The following EXOSC7 variants were observed in gnomAD, a reference collection of about 807,000 sequenced individuals.
EXOSC7 encodes the protein exosome component 7, also known as exosome complex component RRP42.
EXOSC7 carries 25 observed loss-of-function variants against 34.3 expected under a neutral mutation model. That is an observed-to-expected ratio of 0.73 (90% CI 0.53 to 1.02). The LOEUF (loss-of-function observed/expected upper bound fraction) is 1.02, where lower values mean the gene tolerates loss of function less well. Among genes scored for constraint, EXOSC7 ranks in the 50% least tolerant of loss-of-function variants. The pLI, the probability that EXOSC7 is intolerant of heterozygous loss-of-function variation, is 0.00. For missense variants in EXOSC7, 370 were observed against 368.5 expected (o/e 1.00, Z -0.03); for synonymous variants, 130 against 143.0 (o/e 0.91, Z 0.65).
chr3:45,005,057 C>G (rs1282280563), intron 5 of EXOSC7: 2 of 468,288 alleles, frequency 4.3e-6, no homozygotes, highest in East Asian at 6.7e-5. Context: ...TCTTTTTTTT[C>G]CATTGGGATA....
downstream of EXOSC7, among the ~76,000 whole-genome samples, chr3:45,011,889 A>C (rs137960103): frequency 5.3e-5 from 8 of 152,318 alleles, no homozygotes; most frequent in East Asian, 1.5e-3. Context: ...CAGGGGCTTT[A>C]GTGGCAGCCA....
chr3:45,002,770 T>G (rs1267793494), intron 5 of EXOSC7, among the ~76,000 whole-genome samples: 1 of 152,188 alleles, frequency 6.6e-6, no homozygotes, highest in Non-Finnish European at 1.5e-5. Context: ...GAATATTTGC[T>G]GAGAATGAAA....
chr3:44,987,989 G>A (rs764477433), intron 1 of EXOSC7, among the ~76,000 whole-genome samples: 1 of 152,114 alleles, frequency 6.6e-6, no homozygotes, highest in Non-Finnish European at 1.5e-5. Flanking sequence ...GTGTGGTGGG[G>A]GTGGTTAGTA....
intron 3 of EXOSC7, among the ~76,000 whole-genome samples, chr3:44,995,702 G>A (rs1014450711): frequency 1.3e-5 from 2 of 152,216 alleles, no homozygotes; most frequent in African/African-American, 2.4e-5. Flanking sequence ...CAGTAATGAA[G>A]TCTCTCTTGG....
chr3:45,007,339 A>G (rs557408680), intron 6 of EXOSC7, 81 bp from the exon 7 acceptor site: 18 of 1,487,056 alleles, frequency 1.2e-5, no homozygotes, highest in African/African-American at 9.6e-5. Flanking sequence ...CCTGGTGTAG[A>G]GATTCCCACC....
intron 1 of EXOSC7, among the ~76,000 whole-genome samples, chr3:44,982,737 T>C (rs1423523176): frequency 1.3e-5 from 2 of 152,224 alleles, no homozygotes; most frequent in African/African-American, 2.4e-5. Flanking sequence ...GGACTCTTGA[T>C]TTTTAGCTCT....
rs535875801 is a variant in EXOSC7, at chr3:44,982,009, G to C, written c.57+5675G>C. 2.0e-5 allele frequency among the ~76,000 whole-genome samples: 3 copies of C among 152,322 alleles called. No individual in the cohort carries two copies. In the East Asian group the frequency reaches 5.8e-4, roughly 29 times the overall value. Reference sequence around the variant, plus strand: ...TATCTCATGGCCTGTGTGGCTGTCTGTCTTTATCTCTAGTGACATCTCTGC... The same window carrying C: ...TATCTCATGGCCTGTGTGGCTGTCTCTCTTTATCTCTAGTGACATCTCTGC... On this transcript the variant is annotated intron_variant, in intron 1 of 7. Coordinates refer to ENST00000265564, the MANE Select transcript of EXOSC7 (RefSeq NM_015004.4).
intron 6 of EXOSC7, among the ~76,000 whole-genome samples, chr3:45,006,691 C>T (rs1707055685): frequency 2.0e-5 from 3 of 152,012 alleles, no homozygotes; most frequent in Admixed American, 2.0e-4. Context: ...GCTGGGATTA[C>T]AGGCGTGAGC....
At chr3:44,985,353 C>A (rs1576003866) in intron 1 of EXOSC7, among the ~76,000 whole-genome samples, 1 of 152,238 alleles carries the variant, frequency 6.6e-6, no homozygotes, top group East Asian at 1.9e-4. Context: ...CTTGGTCTCA[C>A]TGATTTCAAG....
intron 3 of EXOSC7, among the ~76,000 whole-genome samples, chr3:44,995,071 G>A (rs1329033949): frequency 1.3e-5 from 2 of 152,096 alleles, no homozygotes; most frequent in Admixed American, 1.3e-4. Flanking sequence ...TGCAACCTCT[G>A]CCTCAGGTTC....
chr3:44,999,794 A>G (rs1430956680), intron 4 of EXOSC7, among the ~76,000 whole-genome samples: 2 of 152,216 alleles, frequency 1.3e-5, no homozygotes, highest in African/African-American at 4.8e-5. Context: ...TGGCATTCAC[A>G]TAGTTTTCAT....
chr3:45,009,607 G>C (rs1576030959), intron 7 of EXOSC7, among the ~76,000 whole-genome samples: 1 of 151,590 alleles, frequency 6.6e-6, no homozygotes, highest in East Asian at 1.9e-4. Context: ...GGAGTGCAGT[G>C]GTGCGATCTC....
At chr3:44,983,465 G>A (rs1426520654) in intron 1 of EXOSC7, among the ~76,000 whole-genome samples, 2 of 152,216 alleles carry the variant, frequency 1.3e-5, no homozygotes, top group African/African-American at 4.8e-5. Flanking sequence ...TTTAGGTCAA[G>A]GTCACAAAAC....
chr3:45,002,815 G>A (rs1706917872), intron 5 of EXOSC7, among the ~76,000 whole-genome samples: 1 of 152,184 alleles, frequency 6.6e-6, no homozygotes, highest in Non-Finnish European at 1.5e-5. Flanking sequence ...TGTGCCACTA[G>A]GCTCCTTGTT....
At chr3:44,988,748 G>C (rs1376145004) in intron 1 of EXOSC7, among the ~76,000 whole-genome samples, 1 of 152,192 alleles carries the variant, frequency 6.6e-6, no homozygotes, top group African/African-American at 2.4e-5. Context: ...CTGTAGCTCT[G>C]ACAACATATA....
chr3:45,002,049 T>G (rs975766795), intron 5 of EXOSC7: 3 of 155,082 alleles, frequency 1.9e-5, no homozygotes, highest in African/African-American at 7.2e-5. Context: ...TGTACACATG[T>G]GTGTTCTAAA....
chr3:45,007,427 A>G lies in EXOSC7; in HGVS notation c.623A>G (p.Tyr208Cys), dbSNP rs746509774. The change falls in exon 7 of 8, where the codon TAT becomes TGT. Residue 208 changes from tyrosine to cysteine, a missense_variant. Physicochemically the swap from Tyr to Cys is radical, Grantham distance 194 (BLOSUM62 -2). This residue lies in a region of EXOSC7 where 255 missense variants were observed against 246.4 expected (regional missense o/e 1.03). Coordinates refer to ENST00000265564, the MANE Select transcript of EXOSC7 (RefSeq NM_015004.4). ...PCIVTLCKIG[Y>C]RHVVDATLQE... is the part of the protein sequence containing the mutation. ...CGCACCCTGCCTTTGCAGATTGGCT[A>G]TCGGCATGTGGTGGATGCTACTCTT... 6 of 1,614,112 alleles carry G rather than the reference A, an allele frequency of 3.7e-6. No homozygotes were observed. Among genetic ancestry groups the G allele is most frequent in the East Asian group, 2.2e-5 (1 of 44,876 alleles).
chr3:45,004,212 A>G (rs1445211244), intron 5 of EXOSC7: 4 of 151,712 alleles, frequency 2.6e-5, no homozygotes, highest in Non-Finnish European at 5.9e-5. Context: ...CACTTCCACC[A>G]GCAGTGTATG....
At chr3:44,978,877 AC>A (rs35193224) in intron 1 of EXOSC7, among the ~76,000 whole-genome samples, 1 of 152,084 alleles carries the variant, frequency 6.6e-6, no homozygotes, top group Non-Finnish European at 1.5e-5. Flanking sequence ...TGTATGGGGG[AC>A]CCTTAAGGCA....
Sources: gnomAD v4.1 joint callset for allele counts (sites outside exome capture counted in the v4.1 genomes callset) on GRCh38, gnomAD v4.1.1 for gene constraint, gnomAD v4.1.1 regional missense constraint, MANE v1.5 for transcripts, NCBI Gene and HGNC (gene_info 2026-07-23, HGNC 2026-07-21) for gene names.